The following KIAA0825 variants were observed in gnomAD, a reference collection of about 807,000 sequenced individuals.
The protein encoded by KIAA0825 is uncharacterized protein KIAA0825.
KIAA0825 carries 119 observed loss-of-function variants against 147.6 expected under a neutral mutation model. That is an observed-to-expected ratio of 0.81 (90% CI 0.69 to 0.94). The LOEUF (loss-of-function observed/expected upper bound fraction) is 0.94. KIAA0825 is among the 40% of genes least tolerant of loss of function. KIAA0825 has a pLI of 0.00. For synonymous variants in KIAA0825, 470 were observed against 518.1 expected, an observed-to-expected ratio of 0.91 and a Z score of 1.26; for missense variants, 1,381 against 1,472.7, an observed-to-expected ratio of 0.94 and a Z score of 1.02.
intron 1 of KIAA0825, among the ~76,000 whole-genome samples, chr5:94,591,447 TA>T (rs760679625): frequency 4.6e-5 from 7 of 152,204 alleles, no homozygotes; most frequent in Non-Finnish European, 8.8e-5. Context: ...AGACATGAAT[TA>T]AATGTCTACA....
At chr5:94,292,221 T>C (rs1429429280) in intron 20 of KIAA0825, among the ~76,000 whole-genome samples, 1 of 152,214 alleles carries the variant, frequency 6.6e-6, no homozygotes, top group Non-Finnish European at 1.5e-5. Flanking sequence ...TTTTGCCCAT[T>C]CAGTGTGATA....
intron 5 of KIAA0825, among the ~76,000 whole-genome samples, chr5:94,491,262 T>C (rs1266235438): frequency 2.0e-5 from 3 of 152,208 alleles, no homozygotes; most frequent in Non-Finnish European, 4.4e-5. Flanking sequence ...GAAAGTCTTA[T>C]TATTCCAGGT....
At chr5:94,181,017 T>A (rs1583768936) in intron 20 of KIAA0825, among the ~76,000 whole-genome samples, 1 of 152,188 alleles carries the variant, frequency 6.6e-6, no homozygotes. Context: ...ATACACTGTT[T>A]TCAGAGTTGT....
intron 14 of KIAA0825, among the ~76,000 whole-genome samples, chr5:94,420,568 A>G (rs1292117043): frequency 6.6e-6 from 1 of 152,130 alleles, no homozygotes; most frequent in East Asian, 1.9e-4. Context: ...GTCTTGTTAC[A>G]TCTCTAGTAC....
At chr5:94,459,466 G>A (rs1370604084) in intron 12 of KIAA0825, among the ~76,000 whole-genome samples, 1 of 152,052 alleles carries the variant, frequency 6.6e-6, no homozygotes, top group Non-Finnish European at 1.5e-5. Context: ...AAAAGCAAAG[G>A]CCTATTTTAT....
At position 94,391,531 on chromosome 5, in the gene KIAA0825, C is replaced by T; in HGVS notation, c.3456+4G>A. The T allele has an allele frequency of 1.3e-6, 2 of 1,549,646 alleles. No individual in the cohort carries two copies. Among genetic ancestry groups the T allele is most frequent in the Non-Finnish European group, 1.7e-6 (2 of 1,145,130 alleles). The stretch of plus-strand genomic sequence containing the variant: ...ATTGCTCGATAAAAAGGCCGTTTCC[C>T]TACCTCATTGAGCTGCATGATGTGA... On this transcript the variant is annotated splice_donor_region_variant and intron_variant, in intron 18 of 20. Transcript: ENST00000682413.
chr5:94,417,522 G>A lies in KIAA0825; in HGVS notation c.2498-157C>T, dbSNP rs1199565045. ...ATTACCAGATTATTTCAAAACAATG[G>A]TCCATCCAACCCAATGTTGTTTCTG... is the stretch of plus-strand genomic sequence containing the variant. On this transcript the variant is annotated intron_variant, in intron 14 of 20. Coordinates refer to ENST00000682413, the MANE Select transcript of KIAA0825 (RefSeq NM_001145678.3). 8.6e-6 allele frequency: 5 copies of A among 583,224 alleles called. No individual in the cohort carries two copies. The South Asian group carries it at 1.0e-4, about 12-fold the overall frequency. 36.1% of individuals were successfully genotyped at this position (583,224 alleles called of 1,614,324 possible).
chr5:94,510,456 G>A (rs1349912740), intron 5 of KIAA0825, among the ~76,000 whole-genome samples: 1 of 152,172 alleles, frequency 6.6e-6, no homozygotes, highest in African/African-American at 2.4e-5. Flanking sequence ...TCTTTCTTCA[G>A]TGTTGAAAAG....
At chr5:94,256,458 A>G (rs1410532655) in intron 20 of KIAA0825, among the ~76,000 whole-genome samples, 1 of 152,166 alleles carries the variant, frequency 6.6e-6, no homozygotes. Flanking sequence ...TCACTGCTCA[A>G]CTTTATTTGT....
chr5:94,369,133 A>C (rs1236140566), intron 20 of KIAA0825, among the ~76,000 whole-genome samples: 1 of 152,152 alleles, frequency 6.6e-6, no homozygotes, highest in Non-Finnish European at 1.5e-5. Flanking sequence ...ACTCCAGCCT[A>C]GGTGACAGAG....
In KIAA0825 at chr5:94,381,008, G is replaced by A. The variant is rs139455458; in HGVS notation, c.3710+3360C>T. Among the ~76,000 whole-genome samples, 380 of 152,224 alleles carry A rather than the reference G, an allele frequency of 2.5e-3. 1 individual carries two copies. Among genetic ancestry groups the A allele is most frequent in the African/African-American group, 9.0e-3 (373 of 41,526 alleles). On this transcript the variant is annotated intron_variant, in intron 20 of 20. Coordinates refer to ENST00000682413, the MANE Select transcript of KIAA0825 (RefSeq NM_001145678.3). ...GATCTCCTCTTTCATGTGTCTGAGCGGTCCCTCAAGTCTTTATCTCCTGGG... is the reference window on the plus strand; with the variant it reads ...GATCTCCTCTTTCATGTGTCTGAGCAGTCCCTCAAGTCTTTATCTCCTGGG...
At chr5:94,607,813 G>A (rs1238375037) in intron 1 of KIAA0825, among the ~76,000 whole-genome samples, 4 of 152,158 alleles carry the variant, frequency 2.6e-5, no homozygotes, top group African/African-American at 9.7e-5. Context: ...AGATTTTGGG[G>A]ATAAATCATT....
At chr5:94,455,680 A>G (rs538185264) in intron 12 of KIAA0825, among the ~76,000 whole-genome samples, 5 of 152,280 alleles carry the variant, frequency 3.3e-5, no homozygotes, top group South Asian at 4.1e-4. Flanking sequence ...TTGATCAGAG[A>G]GTAATCAAAG....
intron 12 of KIAA0825, among the ~76,000 whole-genome samples, chr5:94,454,606 GA>G (rs1162040519): frequency 6.6e-6 from 1 of 152,164 alleles, no homozygotes; most frequent in African/African-American, 2.4e-5. Flanking sequence ...GAAGTAGGCA[GA>G]AGCCAGACCA....
rs146735224 is a variant in KIAA0825, at chr5:94,610,034, C to T, written c.-153+8466G>A. ...ATATCTGAAAAAATTTAAAGGAATA[C>T]ATTGTTATGTGATTATACACAAAAC... is the stretch of plus-strand genomic sequence containing the variant. On this transcript the variant is annotated intron_variant, in intron 1 of 20. Transcript: ENST00000682413. Among the ~76,000 whole-genome samples, 3 of 152,246 alleles carry T rather than the reference C, an allele frequency of 2.0e-5. No individual in the cohort carries two copies. In the East Asian group the frequency reaches 5.8e-4, roughly 29 times the overall value.
intron 20 of KIAA0825, among the ~76,000 whole-genome samples, chr5:94,199,027 A>G (rs1325157953): frequency 6.6e-6 from 1 of 152,142 alleles, no homozygotes; most frequent in Non-Finnish European, 1.5e-5. Context: ...TCCAGATTCT[A>G]AATTCGATAT....
intron 11 of KIAA0825, among the ~76,000 whole-genome samples, chr5:94,463,145 C>T (rs568704324): frequency 6.6e-6 from 1 of 151,508 alleles, no homozygotes; most frequent in Non-Finnish European, 1.5e-5. Flanking sequence ...TATTATTTAT[C>T]TTATTCATAG....
At chr5:94,393,607 T>G (rs143639740) in intron 17 of KIAA0825, among the ~76,000 whole-genome samples, 11 of 152,318 alleles carry the variant, frequency 7.2e-5, no homozygotes, top group African/African-American at 2.6e-4. Context: ...TAATTAAGAT[T>G]TAATGGATCT....
chr5:94,588,907 A>T (rs927578232), intron 1 of KIAA0825, among the ~76,000 whole-genome samples: 6 of 152,170 alleles, frequency 3.9e-5, no homozygotes, highest in African/African-American at 1.4e-4. Flanking sequence ...ATTCTCAGCA[A>T]ACTATCACAA....
Sources: gnomAD v4.1 joint callset for allele counts (sites outside exome capture counted in the v4.1 genomes callset) on GRCh38, gnomAD v4.1.1 for gene constraint, MANE v1.5 for transcripts, NCBI Gene and HGNC (gene_info 2026-07-23, HGNC 2026-07-21) for gene names.